Variants in RNLS observed in about 807,000 individuals in gnomAD.
RNLS encodes the protein renalase, FAD dependent amine oxidase, also known as renalase.
Under a neutral mutation model 39.8 loss-of-function variants are expected in RNLS, and 39 were observed. The observed-to-expected ratio is 0.98, with a 90% CI of 0.76 to 1.28. The LOEUF is 1.28. Ranked by LOEUF, RNLS falls within the 50% of genes most tolerant of loss-of-function variation. The pLI, the probability that RNLS is intolerant of heterozygous loss-of-function variation, is 0.00. For synonymous variants in RNLS, 147 were observed against 150.7 expected, an observed-to-expected ratio of 0.98 and a Z score of 0.18; for missense variants, 410 against 413.3, an observed-to-expected ratio of 0.99 and a Z score of 0.07.
chr10:88,354,794 C>T (rs1404234510), intron 5 of RNLS, among the ~76,000 whole-genome samples: 2 of 152,204 alleles, frequency 1.3e-5, no homozygotes, highest in Non-Finnish European at 2.9e-5. Context: ...CTCTGGATAA[C>T]ATCCTGCAGA....
chr10:88,338,822 C>CTCACT, intron 5 of RNLS, among the ~76,000 whole-genome samples: 1 of 135,804 alleles, frequency 7.4e-6, no homozygotes, highest in Non-Finnish European at 1.5e-5. Context: ...AGTGCAGTGG[C>CTCACT]GCGATCTCGG....
intron 4 of RNLS, among the ~76,000 whole-genome samples, chr10:88,509,134 G>C (rs1208822450): frequency 6.6e-6 from 1 of 152,126 alleles, no homozygotes; most frequent in Non-Finnish European, 1.5e-5. Context: ...TGAACAAAAT[G>C]TAGAACTTTC....
At chr10:88,361,189 G>A (rs1849614527) in intron 5 of RNLS, among the ~76,000 whole-genome samples, 1 of 152,146 alleles carries the variant, frequency 6.6e-6, no homozygotes, top group African/African-American at 2.4e-5. Context: ...ACAGGGTTAG[G>A]GCGCTACCTT....
Position 88,525,335 on chromosome 10 carries a change from C to T in RNLS, c.526+47568G>A, listed in dbSNP as rs546163355. Among the ~76,000 whole-genome samples, 8 of 151,946 alleles carry T rather than the reference C, an allele frequency of 5.3e-5. No homozygotes were observed. The South Asian group carries it at 8.3e-4, about 16-fold the overall frequency. On this transcript the variant is annotated intron_variant, in intron 4 of 6. Coordinates refer to ENST00000331772, the MANE Select transcript of RNLS (RefSeq NM_001031709.3). ...GCACTGGGAAAGCCCTATTTAACTGCGTGTAGAGCATCTAAGTAATGAAAT... is the reference window on the plus strand; with the variant it reads ...GCACTGGGAAAGCCCTATTTAACTGTGTGTAGAGCATCTAAGTAATGAAAT...
chr10:88,251,778 A>T, the RNLS span, among the ~76,000 whole-genome samples: 1 of 152,350 alleles, frequency 6.6e-6, no homozygotes, highest in East Asian at 1.9e-4. Context: ...GAAGATGTTC[A>T]TGGAACTGAA....
At chr10:88,381,708 C>CACTT (rs1851508774) in intron 4 of RNLS, among the ~76,000 whole-genome samples, 1 of 151,860 alleles carries the variant, frequency 6.6e-6, no homozygotes. Context: ...AATTATATAT[C>CACTT]ACTTAAAAGT....
chr10:88,370,066 T>C (rs1850426877), intron 4 of RNLS, among the ~76,000 whole-genome samples: 1 of 152,160 alleles, frequency 6.6e-6, no homozygotes, highest in South Asian at 2.1e-4. Flanking sequence ...TATTTAACTA[T>C]ATTTTCATCT....
chr10:88,569,321 T>C (rs1590037585), intron 4 of RNLS, among the ~76,000 whole-genome samples: 2 of 10,332 alleles, frequency 1.9e-4, no homozygotes, highest in Non-Finnish European at 2.8e-4. Context: ...AAGATGTCAC[T>C]TTTTTTTTTT....
At chr10:88,356,159 G>A (rs945911593) in intron 5 of RNLS, among the ~76,000 whole-genome samples, 14 of 152,160 alleles carry the variant, frequency 9.2e-5, no homozygotes, top group African/African-American at 1.9e-4. Flanking sequence ...TACCCCTTGC[G>A]CTTCCCACGT....
chr10:88,575,179 C>T (rs1205418698), intron 3 of RNLS, among the ~76,000 whole-genome samples: 3 of 73,666 alleles, frequency 4.1e-5, no homozygotes, highest in Admixed American at 1.2e-4. Context: ...CACACACACA[C>T]ATATTATATA....
intron 5 of RNLS, among the ~76,000 whole-genome samples, chr10:88,345,119 A>G (rs1273649886): frequency 6.6e-6 from 1 of 152,114 alleles, no homozygotes; most frequent in South Asian, 2.1e-4. Context: ...TTTAGGCTCA[A>G]TTTACTCAAT....
chr10:88,483,901 T>C (rs1403368859), intron 4 of RNLS, among the ~76,000 whole-genome samples: 1 of 152,124 alleles, frequency 6.6e-6, no homozygotes, highest in East Asian at 1.9e-4. Context: ...AATTATTTAG[T>C]GAATATAATA....
At position 88,575,214 on chromosome 10, in the gene RNLS, GTATATA is replaced by G. The variant is rs10583088; in HGVS notation, c.368-2159_368-2154del. On this transcript the variant is annotated intron_variant, in intron 3 of 6. Transcript: ENST00000331772. Reference sequence around the variant, plus strand: ...ATATATACTATATATATATGTGTGTGTATATATATATATATATATACACATATATAT... The same window carrying G: ...ATATATACTATATATATATGTGTGTGTATATATATATATACACATATATAT... 2.9e-3 allele frequency among the ~76,000 whole-genome samples: 378 copies of G among 128,660 alleles called. 16 individuals are homozygous for G. The East Asian group carries it at 0.06, about 20-fold the overall frequency. 84.4% of individuals were successfully genotyped at this position (128,660 alleles called of 152,430 possible). A position where few individuals can be genotyped will look rare whatever the true frequency, so the allele number is the denominator to read the frequency against.
chr10:88,495,345 T>A lies in RNLS; in HGVS notation c.526+77558A>T, dbSNP rs574798066. On this transcript the variant is annotated intron_variant, in intron 4 of 6. Transcript: ENST00000331772. ...TAGAGTCAATTTGTTATCTCCATCT[T>A]TAGCTGCAAGAGGGAGGGGGGATCA... Among the ~76,000 whole-genome samples, 5 of 152,274 alleles carry A rather than the reference T, an allele frequency of 3.3e-5. No individual in the cohort carries two copies. In the East Asian group the frequency reaches 9.6e-4, roughly 29 times the overall value.
chr10:88,439,098 T>C lies in RNLS; in HGVS notation c.527-76373A>G, dbSNP rs188591605. 4.1e-3 allele frequency among the ~76,000 whole-genome samples: 623 copies of C among 152,314 alleles called. 2 individuals are homozygous for C. The highest frequency in any genetic ancestry group is 6.1e-3 in the Non-Finnish European group (416 of 68,024). On this transcript the variant is annotated intron_variant, in intron 4 of 6. Transcript: ENST00000331772. ...AGTTTTGCTCCCTATTACATCTCGTTTTGTTTATTTCCCCTTTCTCATATA... is the reference window on the plus strand; with the variant it reads ...AGTTTTGCTCCCTATTACATCTCGTCTTGTTTATTTCCCCTTTCTCATATA...
intron 4 of RNLS, among the ~76,000 whole-genome samples, chr10:88,431,163 T>A (rs183505570): frequency 6.6e-5 from 10 of 151,822 alleles, no homozygotes; most frequent in African/African-American, 2.4e-4. Context: ...GGTCTAGGGC[T>A]GTTCAGGTTA....
chr10:88,576,724 C>A (rs1850233278), intron 3 of RNLS, among the ~76,000 whole-genome samples: 1 of 152,032 alleles, frequency 6.6e-6, no homozygotes. Context: ...AGAAAATAGG[C>A]ACAAAAGTAA....
At chr10:88,282,658 CT>C (rs1331054512), downstream of RNLS, among the ~76,000 whole-genome samples, 2 of 152,046 alleles carry the variant, frequency 1.3e-5, no homozygotes, top group African/African-American at 4.8e-5. Context: ...AACGAAGTGT[CT>C]TCCTCCCCGC....
chr10:88,442,952 T>C (rs890863272), intron 4 of RNLS, among the ~76,000 whole-genome samples: 3 of 152,212 alleles, frequency 2.0e-5, no homozygotes, highest in Non-Finnish European at 4.4e-5. Context: ...ACTTGGTATT[T>C]CCCCTTAAAT....
Sources: allele counts gnomAD v4.1 joint callset (sites outside exome capture counted in the v4.1 genomes callset), GRCh38; gene constraint gnomAD v4.1.1; transcripts MANE v1.5; gene names NCBI Gene and HGNC (gene_info 2026-07-23, HGNC 2026-07-21).